EML4: variants seen among roughly 807,000 people sequenced by gnomAD.
EML4 encodes echinoderm microtubule-associated protein-like 4.
A neutral mutation model predicts 129.0 loss-of-function variants in EML4; 72 were observed. That is an observed-to-expected ratio of 0.56 (90% CI 0.46 to 0.68). The LOEUF (loss-of-function observed/expected upper bound fraction) is 0.68. EML4 is among the 30% of genes least tolerant of loss of function. The probability of loss-of-function intolerance (pLI) is 0.00; values close to 1 mark genes in which losing one functional copy is unlikely to be tolerated. For missense variants in EML4, 1,363 were observed against 1,190.6 expected (o/e 1.14, Z -2.13); for synonymous variants, 532 against 405.0 (o/e 1.31, Z -3.77).
At chr2:42,200,048 G>A (rs773379265) in intron 1 of EML4, among the ~76,000 whole-genome samples, 11 of 151,410 alleles carry the variant, frequency 7.3e-5, no homozygotes, top group East Asian at 5.8e-4. Flanking sequence ...GGTGGCTGAC[G>A]CTTGTAATCC....
intron 1 of EML4, among the ~76,000 whole-genome samples, chr2:42,175,760 A>G (rs988176886): frequency 5.9e-5 from 9 of 152,294 alleles, no homozygotes; most frequent in African/African-American, 2.2e-4. Flanking sequence ...CAGCCTCCCA[A>G]AGTGCTGGGA....
At chr2:42,192,461 A>C (rs1671652181) in intron 1 of EML4, among the ~76,000 whole-genome samples, 1 of 151,912 alleles carries the variant, frequency 6.6e-6, no homozygotes, top group Admixed American at 6.6e-5. Flanking sequence ...ACTGGTCTTA[A>C]ACTCCTGACC....
intron 2 of EML4, among the ~76,000 whole-genome samples, chr2:42,256,156 A>G (rs1676137636): frequency 6.6e-6 from 1 of 152,178 alleles, no homozygotes; most frequent in Non-Finnish European, 1.5e-5. Context: ...CTGTTTTTGA[A>G]GACTGATGGC....
intron 17 of EML4, among the ~76,000 whole-genome samples, chr2:42,314,397 T>G (rs1353610950): frequency 6.6e-6 from 1 of 152,114 alleles, no homozygotes; most frequent in South Asian, 2.1e-4. Context: ...CCTGTTCAGT[T>G]CATGAATGAA....
At chr2:42,228,500 C>G (rs182526863) in intron 1 of EML4, among the ~76,000 whole-genome samples, 4 of 152,248 alleles carry the variant, frequency 2.6e-5, no homozygotes, top group African/African-American at 4.8e-5. Flanking sequence ...GTATTCAATA[C>G]TTATATCATT....
At chr2:42,263,036 A>G (rs1237370713) in intron 4 of EML4, 142 bp from the exon 5 acceptor site, 3 of 648,512 alleles carry the variant, frequency 4.6e-6, no homozygotes, top group Non-Finnish European at 7.8e-6. Flanking sequence ...TCACTCATCC[A>G]GGCAGTCTTT....
rs141402500 is a variant in EML4 at position 42,274,270 on chromosome 2, A to G, written c.668-6580A>G. Among the ~76,000 whole-genome samples the G allele has an allele frequency of 1.8e-4, 28 of 152,288 alleles. No homozygotes were observed. In the East Asian group the frequency reaches 4.8e-3, roughly 26 times the overall value. On this transcript the variant is annotated intron_variant, in intron 6 of 22. Transcript: ENST00000318522. The stretch of plus-strand genomic sequence containing the variant: ...TTTTTAGTTCTAAAGATTGTAAAAT[A>G]CAGATTAAAAAATGGATTCCTAAAA...
At chr2:42,175,048 C>G (rs1486908750) in intron 1 of EML4, among the ~76,000 whole-genome samples, 1 of 151,770 alleles carries the variant, frequency 6.6e-6, no homozygotes, top group African/African-American at 2.4e-5. Flanking sequence ...AACTCCTGAC[C>G]TTGTGTGATC....
At chr2:42,173,278 G>C (rs935145088) in intron 1 of EML4, among the ~76,000 whole-genome samples, 9 of 151,710 alleles carry the variant, frequency 5.9e-5, no homozygotes, top group African/African-American at 1.9e-4. Context: ...ACATGAAAAT[G>C]TTTTTCATGT....
In EML4 at chr2:42,244,347, T is replaced by C. The variant is rs554210555; in HGVS notation, c.26-1158T>C. On this transcript the variant is annotated intron_variant, in intron 1 of 22. Coordinates refer to ENST00000318522, the MANE Select transcript of EML4 (RefSeq NM_019063.5). ...CTCCTGACCTCATGATCTGCCCTCC[T>C]CAGCCTCCCAAAGTGCTGGGATTAC... Among the ~76,000 whole-genome samples the C allele has an allele frequency of 4.6e-5, 7 of 152,284 alleles. No individual in the cohort carries two copies. In the East Asian group the frequency reaches 1.4e-3, roughly 29 times the overall value.
At chr2:42,264,838 CAAAGA>C (rs893928727) in intron 6 of EML4, 107 bp downstream of exon 6, 42 of 1,443,468 alleles carry the variant, frequency 2.9e-5, no homozygotes, top group Admixed American at 1.9e-4. Flanking sequence ...TCATAGTAAT[CAAAGA>C]AAAGTGCGTT....
chr2:42,175,072 C>T (rs1288176397), intron 1 of EML4, among the ~76,000 whole-genome samples: 1 of 149,508 alleles, frequency 6.7e-6, no homozygotes, highest in African/African-American at 2.5e-5. Flanking sequence ...CCACCTTGGC[C>T]TCCCTTACAG....
intron 21 of EML4, 101 bp from the exon 22 acceptor site, chr2:42,328,785 G>A (rs2103846094): frequency 1.0e-6 from 1 of 953,016 alleles, no homozygotes; most frequent in South Asian, 2.2e-5. Flanking sequence ...TTTGAACATA[G>A]ATAAAAGCTA....
rs753906616 is a variant in EML4, at chr2:42,261,136, G to C, written c.354G>C (p.Lys118Asn). 2 of 1,607,914 alleles carry C rather than the reference G, an allele frequency of 1.2e-6. No homozygotes were observed. The highest frequency in any genetic ancestry group is 1.7e-6 in the Non-Finnish European group (2 of 1,177,760). Residue 118 changes from lysine to asparagine, a missense_variant, in exon 4 of 23, where the codon AAG becomes AAC. Coordinates refer to ENST00000318522, the MANE Select transcript of EML4 (RefSeq NM_019063.5). Reference sequence around the variant, plus strand: ...TATTTTACAGTGGTACAGAAAAAAAGAAAGAAAAACCACAAGGACAGAGAG... The same window carrying C: ...TATTTTACAGTGGTACAGAAAAAAACAAAGAAAAACCACAAGGACAGAGAG... ...SSAAKSGTEK[K>N]KEKPQGQREK...
intron 2 of EML4, among the ~76,000 whole-genome samples, chr2:42,249,712 T>C (rs1675642680): frequency 1.3e-5 from 2 of 152,356 alleles, no homozygotes; most frequent in South Asian, 4.1e-4. Context: ...GTTTATCTTC[T>C]GCAGTGTGCC....
intron 19 of EML4, among the ~76,000 whole-genome samples, chr2:42,319,351 A>G (rs1045486364): frequency 7.2e-5 from 11 of 152,252 alleles, no homozygotes; most frequent in Admixed American, 2.6e-4. Flanking sequence ...AGAAATGGCA[A>G]GTTTGTCAAA....
At chr2:42,287,134 C>G (rs193068530) in intron 10 of EML4, among the ~76,000 whole-genome samples, 21 of 152,176 alleles carry the variant, frequency 1.4e-4, no homozygotes, top group Admixed American at 5.9e-4. Context: ...AGTTCTTAGC[C>G]ATTGGCAACT....
intron 17 of EML4, among the ~76,000 whole-genome samples, chr2:42,311,861 A>G (rs1192316843): frequency 6.6e-6 from 1 of 152,016 alleles, no homozygotes; most frequent in Non-Finnish European, 1.5e-5. Flanking sequence ...TTTATTTTAT[A>G]TTTTACTTTT....
chr2:42,210,549 C>T (rs1413977536), intron 1 of EML4, among the ~76,000 whole-genome samples: 1 of 152,176 alleles, frequency 6.6e-6, no homozygotes, highest in Admixed American at 6.5e-5. Flanking sequence ...ATGCACAGCC[C>T]ACACTTAAGA....
Sources: gnomAD v4.1 joint callset for allele counts (sites outside exome capture counted in the v4.1 genomes callset) on GRCh38, gnomAD v4.1.1 for gene constraint, MANE v1.5 for transcripts, NCBI Gene and HGNC (gene_info 2026-07-23, HGNC 2026-07-21) for gene names.